Variants in POLE2 observed in about 807,000 individuals in gnomAD.
POLE2 encodes DNA polymerase epsilon 2, accessory subunit, also known as DNA polymerase epsilon subunit 2.
A neutral mutation model predicts 79.4 loss-of-function variants in POLE2; 56 were observed. That is an observed-to-expected ratio of 0.71 (90% CI 0.57 to 0.88). POLE2 has a LOEUF of 0.88. Among genes scored for constraint, POLE2 ranks in the 40% least tolerant of loss-of-function variants. POLE2 has a pLI of 0.00. For missense variants in POLE2, 598 were observed against 638.9 expected, an observed-to-expected ratio of 0.94 and a Z score of 0.69; for synonymous variants, 212 against 214.0, an observed-to-expected ratio of 0.99 and a Z score of 0.08.
intron 10 of POLE2, among the ~76,000 whole-genome samples, chr14:49,661,317 C>A (rs1046425878): frequency 6.6e-6 from 1 of 152,152 alleles, no homozygotes; most frequent in African/African-American, 2.4e-5. Context: ...ACGGTGTGAG[C>A]CCTTAGATAT....
intron 6 of POLE2, among the ~76,000 whole-genome samples, chr14:49,667,386 T>C (rs1431534189): frequency 6.6e-6 from 1 of 152,122 alleles, no homozygotes. Context: ...TTTCTACATA[T>C]AGATTTCCTT....
chr14:49,648,948 C>A (rs1883980926), intron 17 of POLE2, among the ~76,000 whole-genome samples: 1 of 151,052 alleles, frequency 6.6e-6, no homozygotes, highest in South Asian at 2.1e-4. Flanking sequence ...AAAAATAAGG[C>A]ATGATGTTTC....
At chr14:49,665,951 T>C (rs1048064250) in intron 7 of POLE2, among the ~76,000 whole-genome samples, 2 of 152,110 alleles carry the variant, frequency 1.3e-5, no homozygotes, top group African/African-American at 2.4e-5. Flanking sequence ...CTCAGCCTCC[T>C]GAGTAGCTGG....
chr14:49,654,279 G>T, intron 13 of POLE2, 65 bp from the exon 14 acceptor site: 1 of 1,034,068 alleles, frequency 9.7e-7, no homozygotes, highest in Non-Finnish European at 1.5e-6. Flanking sequence ...TAGCTTAAAA[G>T]CAAGTTATTC....
intron 7 of POLE2, 86 bp downstream of exon 7, chr14:49,666,244 C>G: frequency 1.4e-6 from 1 of 710,850 alleles, no homozygotes; most frequent in Admixed American, 2.7e-5. Context: ...AGAATACATT[C>G]CTGTGCCCAC....
intron 5 of POLE2, among the ~76,000 whole-genome samples, chr14:49,670,317 CAAAAAA>C (rs61383006): frequency 3.7e-4 from 22 of 59,116 alleles, no homozygotes; most frequent in African/African-American, 1.1e-3. Flanking sequence ...ACTGTGTCTC[CAAAAAA>C]AAAAAAAAAA....
At position 49,659,302 on chromosome 14, in the gene POLE2, G is replaced by T. The variant is rs115462987; in HGVS notation, c.756-3459C>A. 4.1e-3 allele frequency among the ~76,000 whole-genome samples: 629 copies of T among 151,966 alleles called. 4 individuals are homozygous for T. Among genetic ancestry groups the T allele is most frequent in the African/African-American group, 0.015 (601 of 41,418 alleles). ...ATTAGCAGTCTTAGCTACTTGGGAA[G>T]CTGAGGCAGGAGGAACACTTATGTC... On this transcript the variant is annotated intron_variant, in intron 10 of 18. Coordinates refer to ENST00000216367, the MANE Select transcript of POLE2 (RefSeq NM_002692.4).
chr14:49,663,492 G>C lies in POLE2; in HGVS notation c.683-105C>G, dbSNP rs531365672. 670 of 602,550 alleles carry C rather than the reference G, an allele frequency of 1.1e-3. 2 individuals carry two copies. The highest frequency in any genetic ancestry group is 1.0e-3 in the Non-Finnish European group (371 of 367,150). The allele number at this position is 602,550 out of a possible 1,614,324, so 37.3% of individuals were successfully genotyped here. On this transcript the variant is annotated intron_variant, in intron 9 of 18. Transcript: ENST00000216367. ...ATGCCAGGCTAGTCTCATGCCCTGT[G>C]AACTAATTACAGAGGTTGCCAACCT...
At position 49,661,919 on chromosome 14, in the gene POLE2, TATA is replaced by T. The variant is rs776044455; in HGVS notation, c.755+1393_755+1395del. Among the ~76,000 whole-genome samples the T allele has an allele frequency of 5.3e-5, 8 of 152,176 alleles. 1 individual carries two copies. The highest frequency in any genetic ancestry group is 1.0e-4 in the Non-Finnish European group (7 of 68,030). ...TTAAGTGGAAAATTATTTGAAACAT[TATA>T]ATAATGATCTCTTGGCTAAAGAGAA... On this transcript the variant is annotated intron_variant, in intron 10 of 18. Coordinates refer to ENST00000216367, the MANE Select transcript of POLE2 (RefSeq NM_002692.4).
intron 10 of POLE2, among the ~76,000 whole-genome samples, chr14:49,658,570 C>CTA (rs1884879678): frequency 6.6e-6 from 1 of 152,192 alleles, no homozygotes. Flanking sequence ...TAATGAGGAT[C>CTA]TACTACATAT....
intron 5 of POLE2, among the ~76,000 whole-genome samples, chr14:49,670,651 C>G (rs1397140354): frequency 6.6e-6 from 1 of 152,190 alleles, no homozygotes; most frequent in Non-Finnish European, 1.5e-5. Context: ...AGATTCAAGA[C>G]TTTTGCTAGA....
chr14:49,645,451 C>T (rs1048043486), intron 18 of POLE2, among the ~76,000 whole-genome samples: 1 of 152,204 alleles, frequency 6.6e-6, no homozygotes, highest in East Asian at 1.9e-4. Context: ...TGAAACTTTT[C>T]TGTTTTCCTA....
intron 1 of POLE2, among the ~76,000 whole-genome samples, chr14:49,685,869 C>T (rs1887099190): frequency 6.6e-6 from 1 of 151,870 alleles, no homozygotes; most frequent in Non-Finnish European, 1.5e-5. Flanking sequence ...CCTCGTGATC[C>T]GCCCACCTCA....
intron 5 of POLE2, among the ~76,000 whole-genome samples, chr14:49,669,982 A>C (rs1295258407): frequency 6.6e-6 from 1 of 152,074 alleles, no homozygotes; most frequent in East Asian, 1.9e-4. Flanking sequence ...CCAGATGATA[A>C]ATAAGATTTG....
rs1318293858 is a variant in POLE2, at chr14:49,651,336, T to C, written c.1253A>G (p.Asp418Gly). 1.3e-6 allele frequency: 2 copies of C among 1,598,454 alleles called. No homozygotes were observed. Residue 418 changes from aspartate (D) to glycine (G), a missense_variant, in exon 16 of 19, where the codon GAC becomes GGC. Transcript: ENST00000216367. ...GTTTCTGCACATTTTATTTACTAAGTCTTCACGGAAGACAGTAATTTCCTG... is the reference window on the plus strand; with the variant it reads ...GTTTCTGCACATTTTATTTACTAAGCCTTCACGGAAGACAGTAATTTCCTG... ...CTQEITVFRE[D>G]LVNKMCRNCV...
chr14:49,646,224 T>C (rs973271464), intron 18 of POLE2, among the ~76,000 whole-genome samples: 2 of 151,020 alleles, frequency 1.3e-5, no homozygotes, highest in Non-Finnish European at 2.9e-5. Flanking sequence ...AAAAGACAAC[T>C]GGGCTGTGTT....
chr14:49,687,914 G>T (rs1416280953), intron 1 of POLE2, among the ~76,000 whole-genome samples: 1 of 152,104 alleles, frequency 6.6e-6, no homozygotes, highest in Non-Finnish European at 1.5e-5. Flanking sequence ...TGGCCAGGAT[G>T]GTCTCGATCT....
rs1594583930 is a variant in POLE2, at chr14:49,663,617, C to T, written c.683-230G>A. Among the ~76,000 whole-genome samples, 4 of 152,256 alleles carry T rather than the reference C, an allele frequency of 2.6e-5. No homozygotes were observed. In the South Asian group the frequency reaches 8.3e-4, roughly 32 times the overall value. Reference sequence around the variant, plus strand: ...CAGAACTTTTCACTTTTCAGTTTGGCAGTACGTGTTGATACAGATTAGGAA... The same window carrying T: ...CAGAACTTTTCACTTTTCAGTTTGGTAGTACGTGTTGATACAGATTAGGAA... On this transcript the variant is annotated intron_variant, in intron 9 of 18. Transcript: ENST00000216367.
intron 1 of POLE2, among the ~76,000 whole-genome samples, chr14:49,685,801 G>C (rs1270278510): frequency 1.4e-5 from 2 of 141,910 alleles, no homozygotes; most frequent in South Asian, 2.1e-4. Flanking sequence ...TTTTTTTTTT[G>C]TATTTTTAGT....
Sources: allele counts gnomAD v4.1 joint callset (sites outside exome capture counted in the v4.1 genomes callset), GRCh38; gene constraint gnomAD v4.1.1; transcripts MANE v1.5; gene names NCBI Gene and HGNC (gene_info 2026-07-23, HGNC 2026-07-21).